Variants in ZDHHC11 observed in about 807,000 individuals in gnomAD.
ZDHHC11 encodes zDHHC palmitoyltransferase 11.
A neutral mutation model predicts 51.3 loss-of-function variants in ZDHHC11; 44 were observed. That is an observed-to-expected ratio of 0.86 (90% confidence interval 0.67 to 1.10). The LOEUF (loss-of-function observed/expected upper bound fraction) is 1.10. Among genes scored for constraint, ZDHHC11 ranks in the 50% least tolerant of loss-of-function variants. The probability of loss-of-function intolerance (pLI) is 0.00; values close to 1 mark genes in which losing one functional copy is unlikely to be tolerated. For missense variants in ZDHHC11, 400 were observed against 537.7 expected, an observed-to-expected ratio of 0.74 and a Z score of 2.53; for synonymous variants, 163 against 222.0, an observed-to-expected ratio of 0.73 and a Z score of 2.36.
At chr5:848,812 C>G in intron 1 of ZDHHC11, 152 bp from the exon 2 acceptor site, 1 of 1,195,452 alleles carries the variant, frequency 8.4e-7, no homozygotes, top group Non-Finnish European at 1.2e-6. Context: ...AGGCCTGGCC[C>G]TGCTCACACA....
In ZDHHC11 at chr5:850,875, T is replaced by A; in HGVS notation, c.-273A>T. On this transcript the variant is annotated 5_prime_UTR_variant, in exon 1 of 13. Coordinates refer to ENST00000283441, the MANE Select transcript of ZDHHC11 (RefSeq NM_024786.3). ...GGCAACGGAAAACGGCTCTCCAGGG[T>A]GTGGAGGACCCAGTGCCCGCGCGAC... 2.0e-6 allele frequency: 1 copy of A among 512,340 alleles called. No individual in the cohort carries two copies. Among genetic ancestry groups the A allele is most frequent in the Non-Finnish European group, 3.3e-6 (1 of 302,018 alleles). 31.7% of individuals were successfully genotyped at this position (512,340 alleles called of 1,614,324 possible).
At chr5:848,977 C>G (rs1253309743) in intron 1 of ZDHHC11, among the ~76,000 whole-genome samples, 1 of 151,264 alleles carries the variant, frequency 6.6e-6, no homozygotes, top group East Asian at 1.9e-4. Flanking sequence ...CCAGCTCACC[C>G]ATGCCCGGCC....
intron 5 of ZDHHC11, chr5:839,698 T>TG (rs1175493192): frequency 3.3e-5 from 5 of 152,884 alleles, no homozygotes; most frequent in African/African-American, 9.7e-5. Flanking sequence ...GCTCTGGAGA[T>TG]GGAGGTGAGC....
In ZDHHC11 at chr5:817,859, T is replaced by C. The variant is rs141057073; in HGVS notation, c.1146+1666A>G. 4.1e-4 allele frequency among the ~76,000 whole-genome samples: 62 copies of C among 151,222 alleles called. No individual in the cohort carries two copies. The East Asian group carries it at 0.011, about 27-fold the overall frequency. ...TTTCCAGTTTGTTCCATTCATCGAG[T>C]CAGGGTGTCTTCTATGGACAACGCT... is the stretch of plus-strand genomic sequence containing the variant. On this transcript the variant is annotated intron_variant, in intron 10 of 12. Coordinates refer to ENST00000283441, the MANE Select transcript of ZDHHC11 (RefSeq NM_024786.3).
chr5:818,807 G>A (rs1300333039), intron 10 of ZDHHC11, among the ~76,000 whole-genome samples: 1 of 151,512 alleles, frequency 6.6e-6, no homozygotes, highest in African/African-American at 2.4e-5. Context: ...GCTGCAGTGA[G>A]CCATTATCCC....
upstream of ZDHHC11, among the ~76,000 whole-genome samples, chr5:859,851 G>C (rs943521569): frequency 1.3e-5 from 2 of 152,108 alleles, no homozygotes; most frequent in South Asian, 2.1e-4. Context: ...TGTCGGTTGG[G>C]GGGGGTCCCC....
At chr5:807,772 C>T (rs1301380463) in intron 11 of ZDHHC11, among the ~76,000 whole-genome samples, 1 of 151,926 alleles carries the variant, frequency 6.6e-6, no homozygotes, top group African/African-American at 2.4e-5. Context: ...GAACCAGCAG[C>T]ATCTCCACAC....
At chr5:838,661 CTTTCATG>C (rs1279175503) in intron 5 of ZDHHC11, among the ~76,000 whole-genome samples, 24 of 152,182 alleles carry the variant, frequency 1.6e-4, no homozygotes, top group Non-Finnish European at 2.8e-4. Context: ...ACTGCCTGTC[CTTTCATG>C]TTTCTGCCAC....
chr5:841,357 C>G (rs1273832384), intron 4 of ZDHHC11: 3 of 918,998 alleles, frequency 3.3e-6, no homozygotes, highest in Non-Finnish European at 2.5e-6. Context: ...AGTGCCCACC[C>G]CTTCCTCACT....
At chr5:844,941 T>A (rs763270708) in intron 3 of ZDHHC11, among the ~76,000 whole-genome samples, 2 of 152,302 alleles carry the variant, frequency 1.3e-5, no homozygotes, top group Non-Finnish European at 2.9e-5. Flanking sequence ...TCTGCCATGA[T>A]GATATTTTTT....
intron 3 of ZDHHC11, among the ~76,000 whole-genome samples, chr5:845,552 C>T (rs1335451178): frequency 6.6e-6 from 1 of 152,186 alleles, no homozygotes; most frequent in Non-Finnish European, 1.5e-5. Context: ...ACACCAGCGC[C>T]GCCTGCCTTC....
At chr5:825,127 C>T in intron 8 of ZDHHC11, 37 bp downstream of exon 8, 1 of 1,588,730 alleles carries the variant, frequency 6.3e-7, no homozygotes, top group Middle Eastern at 1.7e-4. Context: ...GCACACGGCC[C>T]TGACCTCGGG....
rs79646786 is a variant in ZDHHC11, at chr5:805,071, G to A, written c.1182-3907C>T. ...TGTTAATGGGTGCACACTGTATAAA[G>A]ATGTAATCAATGACAACAGCAATAT... On this transcript the variant is annotated intron_variant, in intron 11 of 12. Coordinates refer to ENST00000283441, the MANE Select transcript of ZDHHC11 (RefSeq NM_024786.3). Among the ~76,000 whole-genome samples the A allele has an allele frequency of 2.5e-3, 362 of 144,688 alleles. 2 individuals are homozygous for A. The highest frequency in any genetic ancestry group is 4.7e-3 in the African/African-American group (188 of 39,794). The allele number at this position is 144,688 out of a possible 152,430, so 94.9% of individuals were successfully genotyped here.
chr5:818,789 AG>A (rs1461512734), intron 10 of ZDHHC11, among the ~76,000 whole-genome samples: 1 of 151,514 alleles, frequency 6.6e-6, no homozygotes, highest in Non-Finnish European at 1.5e-5. Flanking sequence ...TGAGCCCAGG[AG>A]GTGGAGGCTG....
chr5:823,160 T>C (rs1218753023), intron 8 of ZDHHC11, among the ~76,000 whole-genome samples: 3 of 151,268 alleles, frequency 2.0e-5, no homozygotes, highest in African/African-American at 4.9e-5. Context: ...TTTTGTGAAA[T>C]AGTGTTTTTG....
chr5:838,140 C>T (rs955686797), intron 5 of ZDHHC11, among the ~76,000 whole-genome samples: 27 of 151,872 alleles, frequency 1.8e-4, no homozygotes, highest in African/African-American at 4.6e-4. Context: ...GACAGGTCAC[C>T]ATCCCTGCAG....
At chr5:803,397 A>G (rs963057086) in intron 11 of ZDHHC11, among the ~76,000 whole-genome samples, 20 of 151,342 alleles carry the variant, frequency 1.3e-4, no homozygotes, top group African/African-American at 4.9e-4. Flanking sequence ...CTAACTGGTC[A>G]TAGAGATAAA....
At chr5:853,600 G>C (rs1362958752), upstream of ZDHHC11, among the ~76,000 whole-genome samples, 12 of 146,520 alleles carry the variant, frequency 8.2e-5, no homozygotes, top group African/African-American at 3.1e-4. Flanking sequence ...ACAGTGGACA[G>C]CAAGCCACGG....
At chr5:830,653 A>C (rs2150359683) in intron 7 of ZDHHC11, among the ~76,000 whole-genome samples, 1 of 130,248 alleles carries the variant, frequency 7.7e-6, no homozygotes, top group Admixed American at 8.0e-5. Flanking sequence ...ATATGGAACC[A>C]AAAAAGACCC....
Sources: allele counts gnomAD v4.1 joint callset (sites outside exome capture counted in the v4.1 genomes callset), GRCh38; gene constraint gnomAD v4.1.1; transcripts MANE v1.5; gene names NCBI Gene and HGNC (gene_info 2026-07-23, HGNC 2026-07-21).